The following TBC1D12 variants were observed in gnomAD, a reference collection of about 807,000 sequenced individuals.
TBC1D12 encodes TBC1 domain family member 12.
TBC1D12 carries 56 observed loss-of-function variants against 86.7 expected under a neutral mutation model. The ratio of observed to expected loss-of-function variants is 0.65; its 90% confidence interval spans 0.52 to 0.81. The LOEUF (loss-of-function observed/expected upper bound fraction) is 0.81, where lower values mean the gene tolerates loss of function less well. Ranked by LOEUF, TBC1D12 falls within the 30% of genes least tolerant of loss-of-function variation. The probability of loss-of-function intolerance (pLI) is 0.00; values close to 1 mark genes in which losing one functional copy is unlikely to be tolerated. For missense variants in TBC1D12, 1,023 were observed against 1,038.8 expected (o/e 0.98, Z 0.21); for synonymous variants, 421 against 411.7 (o/e 1.02, Z -0.27).
chr10:94,499,358 C>T (rs545215931), intron 5 of TBC1D12, among the ~76,000 whole-genome samples: 1 of 152,136 alleles, frequency 6.6e-6, no homozygotes, highest in Non-Finnish European at 1.5e-5. Context: ...CATTCTACCC[C>T]CTACTTTTAT....
At chr10:94,497,277 T>G in intron 5 of TBC1D12, 105 bp downstream of exon 5, 1 of 531,424 alleles carries the variant, frequency 1.9e-6, no homozygotes, top group South Asian at 2.6e-5. Flanking sequence ...TTAGGGTACA[T>G]GTGCACAATG....
At chr10:94,495,560 T>C (rs935951196) in intron 4 of TBC1D12, among the ~76,000 whole-genome samples, 1 of 152,194 alleles carries the variant, frequency 6.6e-6, no homozygotes, top group Non-Finnish European at 1.5e-5. Context: ...AAGCATGGTA[T>C]GATAGGGATA....
intron 3 of TBC1D12, among the ~76,000 whole-genome samples, chr10:94,482,025 T>G (rs2056084849): frequency 6.6e-6 from 1 of 152,192 alleles, no homozygotes; most frequent in Non-Finnish European, 1.5e-5. Context: ...TTATGTTAGG[T>G]TCCAGGGTAC....
intron 11 of TBC1D12, among the ~76,000 whole-genome samples, chr10:94,524,263 T>A (rs1209894293): frequency 6.6e-6 from 1 of 152,146 alleles, no homozygotes; most frequent in Admixed American, 6.6e-5. Flanking sequence ...CCTAGAGGTA[T>A]TACGCATCTC....
At position 94,402,646 on chromosome 10, in the gene TBC1D12, G is replaced by A. The variant is rs1449710342; in HGVS notation, c.33G>A (p.Ser11=). 2 of 1,611,550 alleles carry A rather than the reference G, an allele frequency of 1.2e-6. No individual in the cohort carries two copies. Among genetic ancestry groups the A allele is most frequent in the East Asian group, 2.2e-5 (1 of 44,834 alleles). Residue 11 remains serine, a synonymous_variant, in exon 1 of 13, where the codon TCG becomes TCA. Transcript: ENST00000225235. ...GTCCGGAGGATGCCGGAGCCTGCTC[G>A]GGAAGAAACCCCAAGTTGCTCCCGG... MVGPEDAGAC[S]GRNPKLLPVP...
chr10:94,498,092 T>G (rs1378432093), intron 5 of TBC1D12, among the ~76,000 whole-genome samples: 2 of 152,316 alleles, frequency 1.3e-5, no homozygotes, highest in South Asian at 2.1e-4. Context: ...GTGCTGAGAT[T>G]ACAGGCGTGA....
chr10:94,474,338 C>A (rs201776578), intron 2 of TBC1D12, among the ~76,000 whole-genome samples: 4 of 148,524 alleles, frequency 2.7e-5, no homozygotes, highest in African/African-American at 4.9e-5. Flanking sequence ...TTCAGGAAAA[C>A]AAAAAAAAAA....
intron 6 of TBC1D12, among the ~76,000 whole-genome samples, chr10:94,506,363 A>G (rs956896628): frequency 3.3e-5 from 5 of 152,178 alleles, no homozygotes; most frequent in East Asian, 1.9e-4. Context: ...TTTTAAAACC[A>G]TGTTCTTGTA....
chr10:94,516,742 CT>C (rs1405205769), intron 9 of TBC1D12, among the ~76,000 whole-genome samples: 1 of 151,910 alleles, frequency 6.6e-6, no homozygotes, highest in Admixed American at 6.6e-5. Context: ...TTAGATTCTC[CT>C]TTAGCTTTAT....
chr10:94,419,163 G>A (rs997987256), intron 1 of TBC1D12, among the ~76,000 whole-genome samples: 2 of 152,130 alleles, frequency 1.3e-5, no homozygotes, highest in African/African-American at 4.8e-5. Context: ...GTGAGTCACC[G>A]CGCCTGGCCT....
chr10:94,452,817 T>A (rs2055571479), intron 2 of TBC1D12, among the ~76,000 whole-genome samples: 1 of 152,238 alleles, frequency 6.6e-6, no homozygotes, highest in Non-Finnish European at 1.5e-5. Context: ...AAGTGATTAC[T>A]GGATCATAAG....
chr10:94,451,927 A>G (rs2055555900), intron 2 of TBC1D12, among the ~76,000 whole-genome samples: 1 of 151,812 alleles, frequency 6.6e-6, no homozygotes, highest in African/African-American at 2.4e-5. Flanking sequence ...CATTTTTTTA[A>G]ATTATTAAGT....
chr10:94,531,227 C>T lies in TBC1D12; in HGVS notation c.2026C>T (p.Leu676=). 6.2e-7 allele frequency: 1 copy of T among 1,613,854 alleles called. No individual in the cohort carries two copies. Among genetic ancestry groups the T allele is most frequent in the Non-Finnish European group, 8.5e-7 (1 of 1,179,898 alleles). The stretch of plus-strand genomic sequence containing the variant: ...GATCTTCACACTATATAGCAAATCA[C>T]TACCACTTGATCTGGCCTGTCGAGT... ...DWIFTLYSKS[L]PLDLACRVWD... is the part of the protein sequence containing the mutation. Residue 676 remains leucine (L), a synonymous_variant, in exon 12 of 13, where the codon CTA becomes TTA. Transcript: ENST00000225235.
chr10:94,501,707 T>C (rs1163971561), intron 6 of TBC1D12, among the ~76,000 whole-genome samples: 1 of 151,320 alleles, frequency 6.6e-6, no homozygotes, highest in African/African-American at 2.4e-5. Flanking sequence ...CCACCACGCC[T>C]GGCTAATTTT....
chr10:94,458,784 G>GGA (rs1418698480), intron 2 of TBC1D12, among the ~76,000 whole-genome samples: 1 of 152,060 alleles, frequency 6.6e-6, no homozygotes, highest in African/African-American at 2.4e-5. Flanking sequence ...CCTTCCATCT[G>GGA]GAGTTGTTCG....
chr10:94,527,825 G>A (rs191621687), intron 11 of TBC1D12, among the ~76,000 whole-genome samples: 71 of 152,244 alleles, frequency 4.7e-4, no homozygotes, highest in Admixed American at 3.4e-3. Flanking sequence ...TTATTGAAGA[G>A]ACTGTCCTTT....
chr10:94,442,255 C>G (rs1564948510), intron 2 of TBC1D12, among the ~76,000 whole-genome samples: 1 of 148,332 alleles, frequency 6.7e-6, no homozygotes, highest in African/African-American at 2.5e-5. Context: ...AGAACGTAGA[C>G]TTTTTTTTTT....
At chr10:94,522,307 T>TA (rs1481540783) in intron 10 of TBC1D12, 37 bp from the exon 11 acceptor site, 1 of 1,205,930 alleles carries the variant, frequency 8.3e-7, no homozygotes, top group Admixed American at 2.5e-5. Flanking sequence ...TTCTAGACTA[T>TA]ATACTTTCAT....
intron 1 of TBC1D12, among the ~76,000 whole-genome samples, chr10:94,435,912 A>G (rs1349596288): frequency 2.6e-5 from 4 of 152,106 alleles, no homozygotes; most frequent in Admixed American, 2.0e-4. Flanking sequence ...TCCCGATACT[A>G]TTTATTACAC....
Sources: gnomAD v4.1 joint callset for allele counts (sites outside exome capture counted in the v4.1 genomes callset) on GRCh38, gnomAD v4.1.1 for gene constraint, MANE v1.5 for transcripts, NCBI Gene and HGNC (gene_info 2026-07-23, HGNC 2026-07-21) for gene names.